The following NBEA variants were observed in gnomAD, a reference collection of about 807,000 sequenced individuals.
NBEA encodes the protein lysosomal-trafficking regulator 2.
In NBEA, 44 loss-of-function variants were observed where a neutral mutation model predicts 343.4. The ratio of observed to expected loss-of-function variants is 0.13; its 90% CI spans 0.10 to 0.16. The LOEUF is 0.16. Among genes scored for constraint, NBEA ranks in the 10% least tolerant of loss-of-function variants. The pLI, the probability that NBEA is intolerant of heterozygous loss-of-function variation, is 1.00. For synonymous variants in NBEA, 1,175 were observed against 1,238.7 expected (o/e 0.95, Z 1.08); for missense variants, 2,555 against 3,631.3 (o/e 0.70, Z 7.62).
chr13:35,594,947 T>TCACACACACA (rs71196581), intron 47 of NBEA, among the ~76,000 whole-genome samples: 25 of 111,120 alleles, frequency 2.2e-4, no homozygotes, highest in African/African-American at 5.7e-4. Flanking sequence ...TTTGACATCA[T>TCACACACACA]CACACACACA....
chr13:35,071,908 G>A (rs183089770), intron 10 of NBEA, among the ~76,000 whole-genome samples: 16 of 151,976 alleles, frequency 1.1e-4, no homozygotes, highest in Admixed American at 5.9e-4. Flanking sequence ...TTCACCTCCC[G>A]TCTATGGGTC....
chr13:35,109,227 T>A, intron 11 of NBEA, 63 bp from the exon 12 acceptor site: 1 of 1,417,052 alleles, frequency 7.1e-7, no homozygotes, highest in Non-Finnish European at 9.4e-7. Context: ...TTATGCTAAA[T>A]CAGAAATTAT....
intron 16 of NBEA, among the ~76,000 whole-genome samples, chr13:35,120,912 C>T (rs372950443): frequency 6.6e-6 from 1 of 152,084 alleles, no homozygotes; most frequent in East Asian, 1.9e-4. Context: ...TGTATCACAT[C>T]CCTAGGTATG....
chr13:35,405,307 C>G lies in NBEA; in HGVS notation c.6180-26962C>G, dbSNP rs372852682. Among the ~76,000 whole-genome samples the G allele has an allele frequency of 1.2e-4, 19 of 152,270 alleles. No individual in the cohort carries two copies. The East Asian group carries it at 2.1e-3, about 17-fold the overall frequency. On this transcript the variant is annotated intron_variant, in intron 38 of 58. Coordinates refer to ENST00000379939, the MANE Select transcript of NBEA (RefSeq NM_001385012.1). ...AGAAACGAATACTCAGAGAAGCTGT[C>G]ATTTACCTAGTAGGTGGCAGGGCTG...
At chr13:35,591,836 C>T (rs1184440478) in intron 46 of NBEA, among the ~76,000 whole-genome samples, 1 of 151,954 alleles carries the variant, frequency 6.6e-6, no homozygotes, top group Admixed American at 6.6e-5. Flanking sequence ...ACAGAGATTA[C>T]ATATTAAAGA....
intron 1 of NBEA, among the ~76,000 whole-genome samples, chr13:34,977,026 T>G (rs1225408027): frequency 6.6e-6 from 1 of 151,330 alleles, no homozygotes; most frequent in South Asian, 2.1e-4. Flanking sequence ...CCGTAACGTC[T>G]GCCTCCCAGG....
intron 11 of NBEA, among the ~76,000 whole-genome samples, chr13:35,108,519 A>G (rs2066030242): frequency 6.6e-6 from 1 of 152,068 alleles, no homozygotes; most frequent in Admixed American, 6.6e-5. Context: ...GATAATATGC[A>G]ATATATTATT....
chr13:35,654,093 G>C (rs1043590955), intron 53 of NBEA, among the ~76,000 whole-genome samples: 4 of 152,216 alleles, frequency 2.6e-5, no homozygotes, highest in African/African-American at 9.6e-5. Context: ...ATTCAGCCCA[G>C]TGATTTATCC....
At chr13:35,653,086 T>C (rs2084636243) in intron 53 of NBEA, among the ~76,000 whole-genome samples, 2 of 152,160 alleles carry the variant, frequency 1.3e-5, no homozygotes, top group Admixed American at 1.3e-4. Context: ...GCTATAACTC[T>C]TTGCAGCAGA....
At chr13:35,460,799 G>A (rs2046859996) in intron 40 of NBEA, among the ~76,000 whole-genome samples, 1 of 152,136 alleles carries the variant, frequency 6.6e-6, no homozygotes, top group Admixed American at 6.5e-5. Flanking sequence ...TTTATAACAG[G>A]ATACCTGAAA....
chr13:35,445,816 A>ATG (rs1555267087), intron 39 of NBEA, among the ~76,000 whole-genome samples: 1 of 100,404 alleles, frequency 1.0e-5, no homozygotes, highest in Admixed American at 9.3e-5. Flanking sequence ...ATATATATAT[A>ATG]TGTATATATA....
intron 33 of NBEA, among the ~76,000 whole-genome samples, chr13:35,212,392 T>C (rs2073833110): frequency 6.6e-6 from 1 of 152,212 alleles, no homozygotes; most frequent in African/African-American, 2.4e-5. Flanking sequence ...CCATAATTTA[T>C]TAATTCATTT....
chr13:35,133,041 G>A (rs1443901652), intron 17 of NBEA, among the ~76,000 whole-genome samples: 1 of 151,744 alleles, frequency 6.6e-6, no homozygotes, highest in African/African-American at 2.4e-5. Context: ...AGAATAAAAA[G>A]TACTTTAAAA....
intron 36 of NBEA, among the ~76,000 whole-genome samples, chr13:35,313,972 A>G (rs374573470): frequency 3.3e-5 from 5 of 152,096 alleles, no homozygotes; most frequent in African/African-American, 1.2e-4. Context: ...CTATTTTTCA[A>G]TTTTGATGGA....
chr13:35,654,635 A>G (rs1264127586), intron 53 of NBEA, among the ~76,000 whole-genome samples: 2 of 152,186 alleles, frequency 1.3e-5, no homozygotes, highest in Non-Finnish European at 2.9e-5. Context: ...TGGAGGGAGA[A>G]CTAAAATTTC....
rs572725182 is a variant in NBEA, at chr13:35,585,071, C to T, written c.7176+1033C>T. On this transcript the variant is annotated intron_variant, in intron 46 of 58. Transcript: ENST00000379939. ...ACCAGTTTCCAAATGTTTTGAAAAC[C>T]TCTTTCTGTTACTTTTCTCTTTCTC... Among the ~76,000 whole-genome samples the T allele has an allele frequency of 2.9e-3, 396 of 135,036 alleles. 1 individual carries two copies. Among genetic ancestry groups the T allele is most frequent in the African/African-American group, 9.4e-3 (339 of 36,146 alleles). The allele number at this position is 135,036 out of a possible 152,430, so 88.6% of individuals were successfully genotyped here.
At chr13:35,059,161 G>T (rs2063372684) in intron 8 of NBEA, among the ~76,000 whole-genome samples, 1 of 151,618 alleles carries the variant, frequency 6.6e-6, no homozygotes, top group South Asian at 2.1e-4. Context: ...ACAAAAATTT[G>T]AAATATACAT....
intron 39 of NBEA, among the ~76,000 whole-genome samples, chr13:35,442,838 T>TTA (rs1365372030): frequency 6.6e-6 from 1 of 152,130 alleles, no homozygotes; most frequent in Non-Finnish European, 1.5e-5. Flanking sequence ...TGCATTCCAT[T>TTA]TCCACCTCTT....
chr13:35,483,866 G>GAC lies in NBEA; in HGVS notation c.6585+11344_6585+11345dup, dbSNP rs149403978. On this transcript the variant is annotated intron_variant, in intron 41 of 58. Transcript: ENST00000379939. ...CATGCATGCATGCAGGCTGTGTACA[G>GAC]ACACACACACACACAAAAACACCAG... is the stretch of plus-strand genomic sequence containing the variant. 2.6e-4 allele frequency among the ~76,000 whole-genome samples: 40 copies of GAC among 151,658 alleles called. 1 individual carries two copies. The highest frequency in any genetic ancestry group is 8.3e-4 in the South Asian group (4 of 4,804).
Sources: allele counts gnomAD v4.1 joint callset (sites outside exome capture counted in the v4.1 genomes callset), GRCh38; gene constraint gnomAD v4.1.1; transcripts MANE v1.5; gene names NCBI Gene and HGNC (gene_info 2026-07-23, HGNC 2026-07-21).